NAALAD2: variants seen among roughly 807,000 people sequenced by gnomAD.
The protein encoded by NAALAD2 is N-acetylated-alpha-linked acidic dipeptidase 2.
Under a neutral mutation model 95.6 loss-of-function variants are expected in NAALAD2, and 89 were observed. The observed-to-expected ratio is 0.93, with a 90% confidence interval of 0.78 to 1.11. The LOEUF is 1.11. Among genes scored for constraint, NAALAD2 ranks in the 50% least tolerant of loss-of-function variants. The probability of loss-of-function intolerance (pLI) is 0.00; values close to 1 mark genes in which losing one functional copy is unlikely to be tolerated. For synonymous variants in NAALAD2, 264 were observed against 294.4 expected (o/e 0.90, Z 1.06); for missense variants, 894 against 872.4 (o/e 1.02, Z -0.31).
chr11:90,139,695 C>G (rs1951554335), intron 2 of NAALAD2, among the ~76,000 whole-genome samples: 1 of 152,116 alleles, frequency 6.6e-6, no homozygotes, highest in Admixed American at 6.6e-5. Context: ...TGCTTTTTCT[C>G]AAATCACATT....
At position 90,152,369 on chromosome 11, in the gene NAALAD2, T is replaced by A; in HGVS notation, c.681T>A (p.Pro227=). 1 of 1,613,778 alleles carries A rather than the reference T, an allele frequency of 6.2e-7. No homozygotes were observed. The highest frequency in any genetic ancestry group is 8.5e-7 in the Non-Finnish European group (1 of 1,179,754). The change falls in exon 6 of 19, where the codon CCT becomes CCA. Residue 227 remains proline, a synonymous_variant. Transcript: ENST00000534061. ...LYSDPADYFA[P]EVQPYPKGWN... ...CAGATCCAGCTGACTACTTTGCTCC[T>A]GAGGTACAGCCATATCCCAAAGGAT... is the stretch of plus-strand genomic sequence containing the variant.
At chr11:90,183,867 G>A (rs1012136615) in intron 18 of NAALAD2, among the ~76,000 whole-genome samples, 1 of 152,088 alleles carries the variant, frequency 6.6e-6, no homozygotes, top group African/African-American at 2.4e-5. Context: ...GTTTATGATG[G>A]TTTTATCAGA....
Position 90,163,001 on chromosome 11 carries a change from GTAGTTGGAAC to G in NAALAD2, c.1045_1054del (p.Val349SerfsTer44), listed in dbSNP as rs1462470423. 6.3e-6 allele frequency: 10 copies of G among 1,574,822 alleles called. No individual in the cohort carries two copies. Among genetic ancestry groups the G allele is most frequent in the Non-Finnish European group, 7.8e-6 (9 of 1,156,038 alleles). On this transcript the variant is annotated frameshift_variant, in exon 9 of 19. Coordinates refer to ENST00000534061, the MANE Select transcript of NAALAD2 (RefSeq NM_005467.4). LOFTEE classifies it high-confidence loss of function. Reference sequence around the variant, plus strand: ...CAATAAAATTACAAGGATTTACAATGTAGTTGGAACTATCAGAGGATCTGTGGAACCTGGT... The same window carrying G: ...CAATAAAATTACAAGGATTTACAATGTATCAGAGGATCTGTGGAACCTGGT...
At chr11:90,145,412 T>C (rs1951726716) in intron 2 of NAALAD2, among the ~76,000 whole-genome samples, 1 of 152,190 alleles carries the variant, frequency 6.6e-6, no homozygotes, top group Non-Finnish European at 1.5e-5. Flanking sequence ...TAAGGAAATA[T>C]ATATATTTTT....
chr11:90,147,272 T>C, intron 2 of NAALAD2, 58 bp from the exon 3 acceptor site: 2 of 1,348,254 alleles, frequency 1.5e-6, no homozygotes, highest in South Asian at 1.3e-5. Flanking sequence ...GAATAGTTCT[T>C]AGGCACATCG....
intron 3 of NAALAD2, 100 bp from the exon 4 acceptor site, chr11:90,148,906 C>T (rs1951818343): frequency 3.2e-6 from 2 of 631,936 alleles, no homozygotes; most frequent in South Asian, 2.3e-5. Context: ...AACCTTGTTC[C>T]AGGATGCTTA....
intron 14 of NAALAD2, 53 bp downstream of exon 14, chr11:90,173,968 T>A (rs1952713271): frequency 8.7e-7 from 1 of 1,148,358 alleles, no homozygotes; most frequent in Non-Finnish European, 1.3e-6. Flanking sequence ...TGAATTCCCC[T>A]CTGCCTCTTG....
chr11:90,170,543 G>A (rs1338880143), intron 13 of NAALAD2, among the ~76,000 whole-genome samples: 3 of 152,236 alleles, frequency 2.0e-5, no homozygotes, highest in Non-Finnish European at 4.4e-5. Context: ...AGCAGCAATA[G>A]TGATAAGGGG....
chr11:90,170,263 A>G, intron 13 of NAALAD2, 127 bp downstream of exon 13: 1 of 653,902 alleles, frequency 1.5e-6, no homozygotes, highest in Non-Finnish European at 2.7e-6. Flanking sequence ...CATATAAACA[A>G]AACAAAATCT....
intron 3 of NAALAD2, among the ~76,000 whole-genome samples, chr11:90,147,990 A>G (rs541857814): frequency 5.8e-4 from 89 of 152,330 alleles, no homozygotes; most frequent in Admixed American, 1.3e-3. Context: ...CTGTATTTCA[A>G]AAGTGTAAAA....
chr11:90,189,719 A>C (rs1222425327), intron 18 of NAALAD2, among the ~76,000 whole-genome samples: 2 of 152,004 alleles, frequency 1.3e-5, no homozygotes, highest in Non-Finnish European at 2.9e-5. Context: ...CAGTGAGCCG[A>C]GATCATGCCA....
rs1209988445 is a variant in NAALAD2 at position 90,192,477 on chromosome 11, G to T, written c.*730G>T. ...GCAGGTTGGGGAGGATGGCTGCAAA[G>T]AAGTATGAGGAAACTTTCTCCAATA... On this transcript the variant is annotated 3_prime_UTR_variant, in exon 19 of 19. Transcript: ENST00000534061. 6.6e-6 allele frequency: 1 copy of T among 151,984 alleles called. No individual in the cohort carries two copies. Among genetic ancestry groups the T allele is most frequent in the Non-Finnish European group, 1.5e-5 (1 of 67,902 alleles). 9.4% of individuals were successfully genotyped at this position (151,984 alleles called of 1,614,324 possible). A position where few individuals can be genotyped will look rare whatever the true frequency, so the allele number is the denominator to read the frequency against.
chr11:90,140,951 A>G (rs1183892450), intron 2 of NAALAD2, among the ~76,000 whole-genome samples: 1 of 152,152 alleles, frequency 6.6e-6, no homozygotes, highest in Non-Finnish European at 1.5e-5. Flanking sequence ...CTCTATCACC[A>G]TTTGTTAAAA....
At chr11:90,150,708 ATTTCT>A (rs1951868260) in intron 5 of NAALAD2, 101 bp downstream of exon 5, 8 of 1,090,804 alleles carry the variant, frequency 7.3e-6, no homozygotes, top group South Asian at 3.4e-5. Context: ...GCTTTCAAAC[ATTTCT>A]TTTCTTTTTT....
In NAALAD2 at chr11:90,185,614, G is replaced by A. The variant is rs564367261; in HGVS notation, c.2033+2606G>A. Among the ~76,000 whole-genome samples, 11 of 152,208 alleles carry A rather than the reference G, an allele frequency of 7.2e-5. No individual in the cohort carries two copies. The South Asian group carries it at 2.3e-3, about 32-fold the overall frequency. On this transcript the variant is annotated intron_variant, in intron 18 of 18. Coordinates refer to ENST00000534061, the MANE Select transcript of NAALAD2 (RefSeq NM_005467.4). ...CACAGGAGCTTGATGTTACAGTGGA[G>A]CTATGATCATGCCATTGCACTCCAG...
chr11:90,153,976 T>G (rs1403184450), intron 6 of NAALAD2, among the ~76,000 whole-genome samples: 1 of 152,016 alleles, frequency 6.6e-6, no homozygotes, highest in Non-Finnish European at 1.5e-5. Context: ...GATTATGTCA[T>G]CTGCAAATGA....
Position 90,158,252 on chromosome 11 carries a change from G to C in NAALAD2, c.890+14G>C. 2 of 1,571,926 alleles carry C rather than the reference G, an allele frequency of 1.3e-6. No homozygotes were observed. Among genetic ancestry groups the C allele is most frequent in the Non-Finnish European group, 1.7e-6 (2 of 1,143,458 alleles). ...AATATTATTACGGTATAGTTTTCTT[G>C]TTGGATATGAGATTAAGATATTTTG... On this transcript the variant is annotated intron_variant, in intron 7 of 18. Transcript: ENST00000534061.
At chr11:90,187,700 A>C (rs980994898) in intron 18 of NAALAD2, among the ~76,000 whole-genome samples, 1 of 152,150 alleles carries the variant, frequency 6.6e-6, no homozygotes, top group African/African-American at 2.4e-5. Flanking sequence ...TAAGAGTAAA[A>C]ACTTTCAGTA....
At position 90,135,606 on chromosome 11, in the gene NAALAD2, C is replaced by T. The variant is rs374037481; in HGVS notation, c.130C>T (p.His44Tyr). Reference sequence around the variant, plus strand: ...AGAAACGACCACTTCTGTGCGCTATCATCAAAGTATACGGTGGAAACTGGT... The same window carrying T: ...AGAAACGACCACTTCTGTGCGCTATTATCAAAGTATACGGTGGAAACTGGT... ...LKETTTSVRY[H>Y]QSIRWKLVSE... Residue 44 changes from histidine (H) to tyrosine (Y), a missense_variant, in exon 2 of 19, where the codon CAT (histidine) becomes TAT (tyrosine). By Grantham distance (83) the His-to-Tyr change is moderately conservative (BLOSUM62 2). Coordinates refer to ENST00000534061, the MANE Select transcript of NAALAD2 (RefSeq NM_005467.4). The T allele has an allele frequency of 6.2e-7, 1 of 1,613,394 alleles. No individual in the cohort carries two copies.
Sources: gnomAD v4.1 joint callset for allele counts (sites outside exome capture counted in the v4.1 genomes callset) on GRCh38, gnomAD v4.1.1 for gene constraint, MANE v1.5 for transcripts, NCBI Gene and HGNC (gene_info 2026-07-23, HGNC 2026-07-21) for gene names.